CBFA2T3: variants seen among roughly 807,000 people sequenced by gnomAD.
The protein encoded by CBFA2T3 is CBFA2/RUNX1 partner transcriptional co-repressor 3.
A neutral mutation model predicts 58.6 loss-of-function variants in CBFA2T3; 31 were observed. The ratio of observed to expected loss-of-function variants is 0.53; its 90% confidence interval spans 0.40 to 0.71. The LOEUF (loss-of-function observed/expected upper bound fraction) is 0.71, where lower values mean the gene tolerates loss of function less well. Among genes scored for constraint, CBFA2T3 ranks in the 30% least tolerant of loss-of-function variants. CBFA2T3 has a pLI of 0.00. For synonymous variants in CBFA2T3, 531 were observed against 421.9 expected (o/e 1.26, Z -3.17); for missense variants, 1,076 against 963.1 (o/e 1.12, Z -1.55).
intron 1 of CBFA2T3, among the ~76,000 whole-genome samples, chr16:88,929,681 T>G: frequency 6.7e-6 from 1 of 149,742 alleles, no homozygotes; most frequent in African/African-American, 2.5e-5. Flanking sequence ...AAACTACCAA[T>G]ACCCACAGCT....
intron 1 of CBFA2T3, chr16:88,936,929 C>G (rs1286066548): frequency 2.0e-5 from 3 of 152,260 alleles, no homozygotes; most frequent in African/African-American, 7.2e-5. Context: ...TCTCACTCTC[C>G]TCATCGTCAG....
chr16:88,877,666 C>CCT lies in CBFA2T3; in HGVS notation c.1663-393_1663-392dup, dbSNP rs954561929. Among the ~76,000 whole-genome samples, 8 of 152,150 alleles carry CCT rather than the reference C, an allele frequency of 5.3e-5. 1 individual carries two copies. Among genetic ancestry groups the CCT allele is most frequent in the African/African-American group, 1.9e-4 (8 of 41,414 alleles). On this transcript the variant is annotated intron_variant, in intron 11 of 11. Transcript: ENST00000268679. ...TGCTGCATCCACACCCACCCGTCCC[C>CCT]CTCCCCACCTCTGCCCCACCCCTGC...
rs759328088 is a variant in CBFA2T3, at chr16:88,901,514, C to A, written c.294G>T (p.Thr98=). 6.8e-7 allele frequency: 1 copy of A among 1,473,616 alleles called. No individual in the cohort carries two copies. Among genetic ancestry groups the A allele is most frequent in the East Asian group, 2.7e-5 (1 of 36,570 alleles). The allele number at this position is 1,473,616 out of a possible 1,614,324, so 91.3% of individuals were successfully genotyped here. Residue 98 remains threonine (T), a synonymous_variant, in exon 2 of 12, where the codon ACG becomes ACT. Coordinates refer to ENST00000268679, the MANE Select transcript of CBFA2T3 (RefSeq NM_005187.6). The stretch of plus-strand genomic sequence containing the variant: ...GTGGGGGCTACTTACGTGTGTGTGG[C>A]GTGAAGGAGGGGGGGCGTGTGGCCC... ...SQGATRPPSF[T]PHTHREDGPA... is the part of the protein sequence containing the mutation.
In CBFA2T3 at chr16:88,898,121, G is replaced by A. The variant is rs753375958; in HGVS notation, c.336C>T (p.His112=). 1.5e-5 allele frequency: 25 copies of A among 1,613,006 alleles called. No homozygotes were observed. Among genetic ancestry groups the A allele is most frequent in the South Asian group, 1.5e-4 (14 of 91,082 alleles). Residue 112 remains histidine, a synonymous_variant, in exon 3 of 12, where the codon CAC becomes CAT. Transcript: ENST00000268679. ...ATTTTAAGCAGCCATGAAAACGGCCGTGGGGCAGCGTCGCAGGCCCGTCCT... is the reference window on the plus strand; with the variant it reads ...ATTTTAAGCAGCCATGAAAACGGCCATGGGGCAGCGTCGCAGGCCCGTCCT... ...HREDGPATLP[H]GRFHGCLKWS... is the part of the protein sequence containing the mutation.
At chr16:88,896,901 C>A (rs1443323414) in intron 3 of CBFA2T3, among the ~76,000 whole-genome samples, 1 of 152,268 alleles carries the variant, frequency 6.6e-6, no homozygotes, top group Admixed American at 6.5e-5. Context: ...CCCTCCCGCG[C>A]TGCTGGGCAG....
At chr16:88,888,798 G>A (rs112595380) in intron 5 of CBFA2T3, among the ~76,000 whole-genome samples, 4 of 151,850 alleles carry the variant, frequency 2.6e-5, no homozygotes, top group South Asian at 2.1e-4. Flanking sequence ...CACTGGCCCC[G>A]GGCCCCGGGT....
chr16:88,961,971 A>G (rs1972373145), intron 1 of CBFA2T3, among the ~76,000 whole-genome samples: 1 of 149,512 alleles, frequency 6.7e-6, no homozygotes, highest in African/African-American at 2.5e-5. Flanking sequence ...CCCACTGCAT[A>G]GTAACCGACA....
chr16:88,970,746 G>A (rs550071417), intron 1 of CBFA2T3, among the ~76,000 whole-genome samples: 44 of 152,354 alleles, frequency 2.9e-4, no homozygotes, highest in African/African-American at 8.9e-4. Context: ...ATAGACTCAC[G>A]CCTTCCAGGG....
intron 1 of CBFA2T3, among the ~76,000 whole-genome samples, chr16:88,931,043 G>A (rs936825587): frequency 6.6e-5 from 10 of 152,038 alleles, no homozygotes; most frequent in South Asian, 2.1e-4. Flanking sequence ...AAAAAACAGC[G>A]GGGAGACTGA....
intron 9 of CBFA2T3, 46 bp downstream of exon 9, chr16:88,881,245 C>T (rs771624644): frequency 6.5e-7 from 1 of 1,533,894 alleles, no homozygotes; most frequent in Non-Finnish European, 9.0e-7. Flanking sequence ...GTCCGCCCCA[C>T]CAGAGCACCC....
Position 88,877,120 on chromosome 16 carries a change from C to T in CBFA2T3, c.1818G>A (p.Pro606=), listed in dbSNP as rs1012237494. The T allele has an allele frequency of 2.1e-5, 33 of 1,547,802 alleles. No individual in the cohort carries two copies. The highest frequency in any genetic ancestry group is 4.9e-5 in the East Asian group (2 of 40,920). The change falls in exon 12 of 12, where the codon CCG becomes CCA. Residue 606 remains proline, a synonymous_variant. Transcript: ENST00000268679. ...LQGPTAVVAD[P]VPGPPEAAHS... ...GGGCGGCTTCGGGCGGTCCAGGCAC[C>T]GGGTCGGCCACCACGGCTGTGGGGC...
chr16:88,895,372 C>T lies in CBFA2T3; in HGVS notation c.379+2706G>A, dbSNP rs566441365. Among the ~76,000 whole-genome samples, 26 of 152,280 alleles carry T rather than the reference C, an allele frequency of 1.7e-4. No individual in the cohort carries two copies. The South Asian group carries it at 2.7e-3, about 16-fold the overall frequency. ...GTGGTCTAGTGGCACCTGCGAAGTG[C>T]GCCCGGGTCAGGAAGCTGTGCTGTG... On this transcript the variant is annotated intron_variant, in intron 3 of 11. Transcript: ENST00000268679.
rs568713585 is a variant in CBFA2T3 at position 88,885,433 on chromosome 16, G to A, written c.894-164C>T. ...ACACCAGCCCCGGGAAGCCCAGCCC[G>A]GCGCCCCCACTCTCTGCCCCTCTGC... is the stretch of plus-strand genomic sequence containing the variant. On this transcript the variant is annotated intron_variant, in intron 6 of 11. Transcript: ENST00000268679. This position sits in a 1 kb window ranked among gnomAD's most constrained non-coding sequence, Gnocchi z 5.3. 7.4e-4 allele frequency among the ~76,000 whole-genome samples: 113 copies of A among 152,136 alleles called. No individual in the cohort carries two copies. The highest frequency in any genetic ancestry group is 1.6e-3 in the Non-Finnish European group (109 of 67,954).
intron 1 of CBFA2T3, among the ~76,000 whole-genome samples, chr16:88,961,830 G>A (rs1304934450): frequency 0.011 from 1,508 of 132,350 alleles, no homozygotes; most frequent in African/African-American, 0.042. Flanking sequence ...CATAGTAACC[G>A]ACACTCAGCG....
chr16:88,967,477 C>G (rs983618578), intron 1 of CBFA2T3, among the ~76,000 whole-genome samples: 1 of 151,970 alleles, frequency 6.6e-6, no homozygotes, highest in East Asian at 1.9e-4. Flanking sequence ...ACTGCTATTG[C>G]CCCATTTACC....
intron 1 of CBFA2T3, among the ~76,000 whole-genome samples, chr16:88,973,744 G>A (rs1182365582): frequency 6.6e-6 from 1 of 152,160 alleles, no homozygotes; most frequent in African/African-American, 2.4e-5. Flanking sequence ...CAGCCCCAAG[G>A]GCAAGGTCGG....
chr16:88,901,956 G>C (rs866840897), intron 1 of CBFA2T3, among the ~76,000 whole-genome samples: 1 of 152,232 alleles, frequency 6.6e-6, no homozygotes, highest in Non-Finnish European at 1.5e-5. Flanking sequence ...GGCTTCTACA[G>C]ACCAGGGAGT....
intron 1 of CBFA2T3, among the ~76,000 whole-genome samples, chr16:88,907,737 C>T (rs1970386564): frequency 6.6e-6 from 1 of 152,214 alleles, no homozygotes; most frequent in East Asian, 1.9e-4. Flanking sequence ...TGCCAAGTGT[C>T]CTTCTCACTC....
intron 1 of CBFA2T3, among the ~76,000 whole-genome samples, chr16:88,971,815 C>T (rs920593663): frequency 7.2e-5 from 11 of 152,206 alleles, no homozygotes; most frequent in Non-Finnish European, 1.2e-4. Context: ...TGTGACCAAT[C>T]GGCCTCTCCC....
Sources: allele counts gnomAD v4.1 joint callset (sites outside exome capture counted in the v4.1 genomes callset), GRCh38; gene constraint gnomAD v4.1.1; non-coding constraint Gnocchi (gnomAD v3.1); transcripts MANE v1.5; gene names NCBI Gene and HGNC (gene_info 2026-07-23, HGNC 2026-07-21).